MYOCD: variants seen among roughly 807,000 people sequenced by gnomAD.
MYOCD encodes myocardin.
In MYOCD, 32 loss-of-function variants were observed where a neutral mutation model predicts 96.1. The ratio of observed to expected loss-of-function variants is 0.33; its 90% CI spans 0.25 to 0.45. The LOEUF is 0.45. Among genes scored for constraint, MYOCD ranks in the 20% least tolerant of loss-of-function variants. MYOCD has a pLI of 1.00. For missense variants in MYOCD, 1,133 were observed against 1,200.6 expected, an observed-to-expected ratio of 0.94 and a Z score of 0.83; for synonymous variants, 469 against 469.0, an observed-to-expected ratio of 1.00 and a Z score of 0.00.
At position 12,666,120 on chromosome 17, in the gene MYOCD, C is replaced by T; in HGVS notation, c.-69C>T. ...TGTTAGCTGCGGTCAGCTGGGCTCC[C>T]GGGAGCCTGTTGCTGGTGGAGAACA... On this transcript the variant is annotated 5_prime_UTR_variant, in exon 1 of 14. Coordinates refer to ENST00000425538, the MANE Select transcript of MYOCD (RefSeq NM_001146312.3). The T allele has an allele frequency of 4.9e-6, 6 of 1,236,366 alleles. No individual in the cohort carries two copies. Among genetic ancestry groups the T allele is most frequent in the South Asian group, 2.4e-5 (2 of 82,072 alleles). 76.6% of individuals were successfully genotyped at this position (1,236,366 alleles called of 1,614,324 possible).
At chr17:12,693,163 A>C (rs1423515860) in intron 1 of MYOCD, among the ~76,000 whole-genome samples, 1 of 152,194 alleles carries the variant, frequency 6.6e-6, no homozygotes, top group African/African-American at 2.4e-5. Flanking sequence ...TGATTATAGA[A>C]TATTAAGGGA....
Position 12,715,522 on chromosome 17 carries a change from T to C in MYOCD, c.125T>C (p.Leu42Pro). ...CGTTTTTGTGTTTCTGTTTCAGCAC[T>C]GAAACGTCCAGCTGAATTCCATGAG... ...QLANQGIIPP[L>P]KRPAEFHEQR... The change falls in exon 3 of 14, where the codon CTG becomes CCG. Residue 42 changes from leucine (L) to proline (P), a missense_variant. Coordinates refer to ENST00000425538, the MANE Select transcript of MYOCD (RefSeq NM_001146312.3). The C allele has an allele frequency of 3.1e-6, 5 of 1,613,562 alleles. No individual in the cohort carries two copies. The highest frequency in any genetic ancestry group is 4.2e-6 in the Non-Finnish European group (5 of 1,179,680).
chr17:12,750,314 A>G (rs2032810314), intron 9 of MYOCD, among the ~76,000 whole-genome samples: 1 of 152,118 alleles, frequency 6.6e-6, no homozygotes, highest in Non-Finnish European at 1.5e-5. Flanking sequence ...TGCATTTCCA[A>G]CTAGCTCCCA....
intron 5 of MYOCD, among the ~76,000 whole-genome samples, chr17:12,730,954 C>T (rs1021533968): frequency 3.3e-5 from 5 of 152,188 alleles, no homozygotes; most frequent in Admixed American, 6.5e-5. Context: ...ACAGCTGACT[C>T]ATTCATCTGA....
intron 1 of MYOCD, among the ~76,000 whole-genome samples, chr17:12,684,043 G>C (rs905069105): frequency 6.6e-6 from 1 of 152,122 alleles, no homozygotes; most frequent in Admixed American, 6.5e-5. Context: ...GTTTTCAAAA[G>C]TCTGATCAAA....
Position 12,693,625 on chromosome 17 carries a change from GAATAAAATAAAATAAAATAAAATAA to G in MYOCD, c.56-11467_56-11443del, listed in dbSNP as rs59593903. 3.5e-3 allele frequency among the ~76,000 whole-genome samples: 440 copies of G among 125,208 alleles called. 2 individuals carry two copies. Among genetic ancestry groups the G allele is most frequent in the Non-Finnish European group, 5.6e-3 (338 of 60,874 alleles). 82.1% of individuals were successfully genotyped at this position (125,208 alleles called of 152,430 possible). On this transcript the variant is annotated intron_variant, in intron 1 of 13. Coordinates refer to ENST00000425538, the MANE Select transcript of MYOCD (RefSeq NM_001146312.3). ...ACTCTGTCTCAAAAAAAATAAAATA[GAATAAAATAAAATAAAATAAAATAA>G]AATAAAATAAAATAAAATAAAATAA...
In MYOCD at chr17:12,736,259, C is replaced by G. The variant is rs761497975; in HGVS notation, c.514C>G (p.Pro172Ala). The G allele has an allele frequency of 6.2e-7, 1 of 1,614,030 alleles. No homozygotes were observed. Residue 172 changes from proline (P) to alanine (A), a missense_variant, in exon 6 of 14, where the codon CCC (proline) becomes GCC (alanine). Pro to Ala is a conservative substitution (Grantham distance 27, BLOSUM62 -1). Coordinates refer to ENST00000425538, the MANE Select transcript of MYOCD (RefSeq NM_001146312.3). ...LSPDQTRSED[P>A]QNSAGSPPDA... The stretch of plus-strand genomic sequence containing the variant: ...TCCGGATCAGACTCGAAGTGAAGAC[C>G]CCCAAAACTCAGCGGGATCCCCGCC...
intron 1 of MYOCD, among the ~76,000 whole-genome samples, chr17:12,699,998 C>T (rs1045321447): frequency 6.7e-6 from 1 of 148,372 alleles, no homozygotes; most frequent in African/African-American, 2.5e-5. Context: ...CAACCTCTGC[C>T]TCCCAGTTCA....
chr17:12,676,020 G>C (rs1021272757), intron 1 of MYOCD, among the ~76,000 whole-genome samples: 3 of 151,838 alleles, frequency 2.0e-5, no homozygotes, highest in African/African-American at 4.8e-5. Context: ...AACTGTATTC[G>C]TATCTACATA....
At chr17:12,718,210 C>A (rs2031709056) in intron 4 of MYOCD, among the ~76,000 whole-genome samples, 1 of 152,170 alleles carries the variant, frequency 6.6e-6, no homozygotes, top group Non-Finnish European at 1.5e-5. Flanking sequence ...CAGAGGGTCT[C>A]ACAGTATAAC....
chr17:12,697,360 T>TATATATATATATATATATATATATATA, intron 1 of MYOCD, among the ~76,000 whole-genome samples: 1 of 39,220 alleles, frequency 2.5e-5, no homozygotes, highest in East Asian at 8.6e-4. Flanking sequence ...TATATATATA[T>TATATATATATATATATATATATATATA]TTTTTTTTTT....
intron 1 of MYOCD, chr17:12,672,116 T>C (rs190365808): frequency 6.6e-6 from 1 of 152,262 alleles, no homozygotes; most frequent in African/African-American, 2.4e-5. Flanking sequence ...TCCATATTGG[T>C]AAAATGACTC....
Position 12,765,387 on chromosome 17 carries a change from C to T in MYOCD, c.*1743C>T, listed in dbSNP as rs1281219936. On this transcript the variant is annotated 3_prime_UTR_variant, in exon 14 of 14. Transcript: ENST00000425538. ...CAAAAATGTTGGGATTTTAGAAGCT[C>T]TCTTTTTGATAAACCAAAGATTTAG... 1.3e-5 allele frequency: 2 copies of T among 151,386 alleles called. No homozygotes were observed. The highest frequency in any genetic ancestry group is 2.9e-5 in the Non-Finnish European group (2 of 67,910). The allele number at this position is 151,386 out of a possible 1,614,324, so 9.4% of individuals were successfully genotyped here. A position where few individuals can be genotyped will look rare whatever the true frequency, so the allele number is the denominator to read the frequency against.
At chr17:12,712,437 G>A (rs907042563) in intron 2 of MYOCD, among the ~76,000 whole-genome samples, 2 of 152,124 alleles carry the variant, frequency 1.3e-5, no homozygotes, top group African/African-American at 4.8e-5. Context: ...ACCCTGTGCT[G>A]AGGAGTGAGG....
At chr17:12,677,536 C>G (rs1453070729) in intron 1 of MYOCD, among the ~76,000 whole-genome samples, 1 of 151,884 alleles carries the variant, frequency 6.6e-6, no homozygotes, top group Non-Finnish European at 1.5e-5. Flanking sequence ...CACAGTGAAA[C>G]CCCATCTCTA....
At chr17:12,685,542 G>T (rs572304783) in intron 1 of MYOCD, among the ~76,000 whole-genome samples, 7 of 151,780 alleles carry the variant, frequency 4.6e-5, no homozygotes, top group African/African-American at 1.7e-4. Context: ...GGAGGCGGAG[G>T]TTGCGGTGAG....
intron 12 of MYOCD, among the ~76,000 whole-genome samples, chr17:12,759,460 C>A (rs989047466): frequency 6.6e-6 from 1 of 152,160 alleles, no homozygotes; most frequent in Non-Finnish European, 1.5e-5. Flanking sequence ...CATCTGGTAC[C>A]TTCTGAACTG....
At chr17:12,717,028 G>A (rs2150684675) in intron 3 of MYOCD, among the ~76,000 whole-genome samples, 1 of 137,220 alleles carries the variant, frequency 7.3e-6, no homozygotes, top group Admixed American at 7.5e-5. Flanking sequence ...AAAGGCAATG[G>A]AATAAGATTC....
At position 12,764,544 on chromosome 17, in the gene MYOCD, A is replaced by G. The variant is rs2033281474; in HGVS notation, c.*900A>G. On this transcript the variant is annotated 3_prime_UTR_variant, in exon 14 of 14. Coordinates refer to ENST00000425538, the MANE Select transcript of MYOCD (RefSeq NM_001146312.3). ...CGAGGCACAGGAAGGGAGCCCCACCAGGGATAATTCAGACAGGACTAGAGA... is the reference window on the plus strand; with the variant it reads ...CGAGGCACAGGAAGGGAGCCCCACCGGGGATAATTCAGACAGGACTAGAGA... 6.6e-6 allele frequency: 1 copy of G among 152,362 alleles called. No individual in the cohort carries two copies. The highest frequency in any genetic ancestry group is 1.9e-4 in the East Asian group (1 of 5,210). The allele number at this position is 152,362 out of a possible 1,614,324, so 9.4% of individuals were successfully genotyped here.
Sources: gnomAD v4.1 joint callset for allele counts (sites outside exome capture counted in the v4.1 genomes callset) on GRCh38, gnomAD v4.1.1 for gene constraint, MANE v1.5 for transcripts, NCBI Gene and HGNC (gene_info 2026-07-23, HGNC 2026-07-21) for gene names.